GRID2: variants seen among roughly 807,000 people sequenced by gnomAD.
The protein encoded by GRID2 is glutamate receptor ionotropic, delta-2.
Under a neutral mutation model 114.8 loss-of-function variants are expected in GRID2, and 33 were observed. The observed-to-expected ratio is 0.29, with a 90% CI of 0.22 to 0.38. GRID2 has a LOEUF of 0.38. Among genes scored for constraint, GRID2 ranks in the 10% least tolerant of loss-of-function variants. GRID2 has a pLI of 1.00. For missense variants in GRID2, 1,184 were observed against 1,257.7 expected (o/e 0.94, Z 0.89); for synonymous variants, 505 against 449.9 (o/e 1.12, Z -1.55).
At chr4:93,723,481 A>G (rs1242775384) in intron 14 of GRID2, among the ~76,000 whole-genome samples, 1 of 152,236 alleles carries the variant, frequency 6.6e-6, no homozygotes. Flanking sequence ...AATTGATGTT[A>G]GCTACACACA....
At chr4:92,537,874 A>C (rs1435829532) in intron 1 of GRID2, among the ~76,000 whole-genome samples, 1 of 149,130 alleles carries the variant, frequency 6.7e-6, no homozygotes, top group African/African-American at 2.5e-5. Context: ...GTAATAAATA[A>C]ATATACAATG....
chr4:92,369,663 A>C (rs1424137752), intron 1 of GRID2, among the ~76,000 whole-genome samples: 2 of 152,196 alleles, frequency 1.3e-5, no homozygotes, highest in African/African-American at 2.4e-5. Context: ...ATGGTCTAGC[A>C]AATGTTGACT....
intron 1 of GRID2, among the ~76,000 whole-genome samples, chr4:92,542,385 G>A (rs189290022): frequency 6.6e-6 from 1 of 152,250 alleles, no homozygotes; most frequent in Admixed American, 6.5e-5. Flanking sequence ...TTTCTTCACA[G>A]AGGTGTTGAA....
intron 12 of GRID2, among the ~76,000 whole-genome samples, chr4:93,504,395 A>T (rs28638233): frequency 0.035 from 5,276 of 152,048 alleles, 124 homozygotes; most frequent in Non-Finnish European, 0.049. Context: ...TCTAATTAAC[A>T]TTTTCAATGT....
chr4:93,078,009 T>A (rs72665259), intron 2 of GRID2, among the ~76,000 whole-genome samples: 1 of 152,236 alleles, frequency 6.6e-6, no homozygotes, highest in Non-Finnish European at 1.5e-5. Context: ...TTCATATTAA[T>A]AACAAAAAGA....
At chr4:92,910,002 G>C (rs1280276999) in intron 2 of GRID2, among the ~76,000 whole-genome samples, 1 of 152,016 alleles carries the variant, frequency 6.6e-6, no homozygotes, top group African/African-American at 2.4e-5. Context: ...GGTATTTTAG[G>C]AGAAACAGGA....
intron 12 of GRID2, among the ~76,000 whole-genome samples, chr4:93,493,942 T>A (rs1727278269): frequency 6.6e-6 from 1 of 151,792 alleles, no homozygotes. Flanking sequence ...TGGACTAATT[T>A]TGGAATGAGA....
chr4:93,516,840 T>G (rs1291472024), intron 13 of GRID2, among the ~76,000 whole-genome samples: 1 of 152,150 alleles, frequency 6.6e-6, no homozygotes, highest in Non-Finnish European at 1.5e-5. Flanking sequence ...AAAATGAATT[T>G]GTTTTTTGAT....
At chr4:93,281,411 A>G (rs11937722) in intron 8 of GRID2, among the ~76,000 whole-genome samples, 106,966 of 151,210 alleles carry the variant, frequency 0.71, 38,827 homozygotes, top group African/African-American at 0.86. Context: ...CAGGGAGAGA[A>G]CAGTCATTGC....
intron 3 of GRID2, among the ~76,000 whole-genome samples, chr4:93,100,572 G>A (rs1294705063): frequency 6.6e-6 from 1 of 151,908 alleles, no homozygotes; most frequent in Non-Finnish European, 1.5e-5. Flanking sequence ...ATATCCAGCA[G>A]TATGACATAC....
intron 1 of GRID2, among the ~76,000 whole-genome samples, chr4:92,412,243 T>C (rs1560614458): frequency 1.3e-5 from 2 of 152,132 alleles, no homozygotes; most frequent in African/African-American, 4.8e-5. Flanking sequence ...TACAGTTCCA[T>C]ATTGACATAA....
intron 2 of GRID2, among the ~76,000 whole-genome samples, chr4:92,919,488 T>G (rs1004308524): frequency 6.6e-6 from 1 of 152,232 alleles, no homozygotes; most frequent in African/African-American, 2.4e-5. Context: ...AGTGGGCATT[T>G]AGTGCTATAA....
chr4:93,351,513 A>T (rs1418450349), intron 8 of GRID2, among the ~76,000 whole-genome samples: 1 of 152,006 alleles, frequency 6.6e-6, no homozygotes, highest in Non-Finnish European at 1.5e-5. Context: ...TACAACTATC[A>T]AGCAGACCAG....
chr4:93,232,165 AT>A (rs1266981204), intron 7 of GRID2, among the ~76,000 whole-genome samples: 1 of 152,176 alleles, frequency 6.6e-6, no homozygotes, highest in East Asian at 1.9e-4. Flanking sequence ...ACACTAAATA[AT>A]TTTTGGATAA....
intron 1 of GRID2, among the ~76,000 whole-genome samples, chr4:92,423,046 G>A (rs984301403): frequency 2.0e-5 from 3 of 152,088 alleles, no homozygotes; most frequent in Non-Finnish European, 4.4e-5. Context: ...CAGTCTTATG[G>A]TGTAGGCTAT....
intron 13 of GRID2, among the ~76,000 whole-genome samples, chr4:93,539,480 G>A (rs933201518): frequency 1.3e-5 from 2 of 151,868 alleles, no homozygotes; most frequent in African/African-American, 4.8e-5. Flanking sequence ...TATCGATATG[G>A]TAAAAGATGT....
chr4:92,617,524 A>G (rs896292272), intron 2 of GRID2, among the ~76,000 whole-genome samples: 26 of 151,600 alleles, frequency 1.7e-4, no homozygotes, highest in Admixed American at 4.6e-4. Flanking sequence ...AGTTTCATCC[A>G]TGTTGCTATA....
chr4:92,975,320 TG>T (rs1340619838), intron 2 of GRID2, among the ~76,000 whole-genome samples: 2 of 152,050 alleles, frequency 1.3e-5, no homozygotes, highest in Non-Finnish European at 2.9e-5. Flanking sequence ...TTCAAAACTC[TG>T]TTATAATGGG....
intron 8 of GRID2, among the ~76,000 whole-genome samples, chr4:93,283,594 G>A (rs1579538425): frequency 6.6e-6 from 1 of 152,124 alleles, no homozygotes; most frequent in South Asian, 2.1e-4. Flanking sequence ...GAATGTGTAG[G>A]TGCAGTTAAT....
Sources: gnomAD v4.1 joint callset for allele counts (sites outside exome capture counted in the v4.1 genomes callset) on GRCh38, gnomAD v4.1.1 for gene constraint, MANE v1.5 for transcripts, NCBI Gene and HGNC (gene_info 2026-07-23, HGNC 2026-07-21) for gene names.